The following DOCK4 variants were observed in gnomAD, a reference collection of about 807,000 sequenced individuals.
DOCK4 encodes the protein dedicator of cytokinesis protein 4.
DOCK4 carries 97 observed loss-of-function variants against 268.1 expected under a neutral mutation model. The observed-to-expected ratio is 0.36, with a 90% confidence interval of 0.31 to 0.43. The LOEUF is 0.43. Among genes scored for constraint, DOCK4 ranks in the 20% least tolerant of loss-of-function variants. DOCK4 has a pLI of 1.00. For synonymous variants in DOCK4, 954 were observed against 887.2 expected (o/e 1.08, Z -1.34); for missense variants, 2,145 against 2,455.7 (o/e 0.87, Z 2.67).
chr7:111,834,443 A>G (rs1320736469), intron 26 of DOCK4, 145 bp downstream of exon 26: 5 of 628,798 alleles, frequency 8.0e-6, no homozygotes, highest in Non-Finnish European at 1.3e-5. Context: ...AGATGAGCAG[A>G]TCTGTGGATG....
chr7:112,058,884 G>GA (rs11408215), intron 1 of DOCK4, among the ~76,000 whole-genome samples: 17,932 of 152,132 alleles, frequency 0.12, 3,590 homozygotes, highest in African/African-American at 0.41. Flanking sequence ...AGTGAAGGCA[G>GA]AAAGAAGAAG....
intron 3 of DOCK4, among the ~76,000 whole-genome samples, chr7:111,999,182 A>T (rs1375761090): frequency 6.6e-6 from 1 of 152,184 alleles, no homozygotes; most frequent in Non-Finnish European, 1.5e-5. Flanking sequence ...TTGATTGTTC[A>T]TTAAATGGCA....
At chr7:112,003,932 A>C (rs1431360209) in intron 2 of DOCK4, 116 bp downstream of exon 2, 3 of 687,832 alleles carry the variant, frequency 4.4e-6, no homozygotes, top group Non-Finnish European at 6.8e-6. Context: ...CAATTTTGTC[A>C]AAAATGACTT....
chr7:111,827,177 G>A (rs1802470358), intron 26 of DOCK4, among the ~76,000 whole-genome samples: 1 of 152,120 alleles, frequency 6.6e-6, no homozygotes, highest in Non-Finnish European at 1.5e-5. Flanking sequence ...ATTAAAGGGT[G>A]TTAATAATCA....
At chr7:111,832,218 C>T (rs1315812779) in intron 26 of DOCK4, among the ~76,000 whole-genome samples, 1 of 152,186 alleles carries the variant, frequency 6.6e-6, no homozygotes, top group East Asian at 1.9e-4. Context: ...ATATATCTAG[C>T]ACACTCCTAC....
At chr7:111,784,949 T>C (rs954158593) in intron 32 of DOCK4, among the ~76,000 whole-genome samples, 25 of 152,206 alleles carry the variant, frequency 1.6e-4, no homozygotes, top group Non-Finnish European at 4.4e-5. Flanking sequence ...GCATATCATA[T>C]ATGTACTTAG....
At chr7:111,740,828 G>A (rs1293557677) in intron 47 of DOCK4, among the ~76,000 whole-genome samples, 1 of 149,420 alleles carries the variant, frequency 6.7e-6, no homozygotes, top group East Asian at 2.0e-4. Context: ...AAGGAACTTG[G>A]GGCAGGTCTC....
chr7:112,206,028 C>G (rs1429367400), intron 1 of DOCK4, 74 bp downstream of exon 1: 1 of 1,493,112 alleles, frequency 6.7e-7, no homozygotes, highest in Non-Finnish European at 9.1e-7. Context: ...GCGAGAGGGG[C>G]GCGGGGGCAA....
intron 1 of DOCK4, among the ~76,000 whole-genome samples, chr7:112,198,757 C>T (rs1427586974): frequency 6.6e-6 from 1 of 152,182 alleles, no homozygotes; most frequent in African/African-American, 2.4e-5. Context: ...ACTGCCTCTT[C>T]TCTATAGGCT....
chr7:112,010,926 G>A (rs1053296873), intron 1 of DOCK4, among the ~76,000 whole-genome samples: 1 of 152,160 alleles, frequency 6.6e-6, no homozygotes, highest in Non-Finnish European at 1.5e-5. Context: ...TGAACCACAA[G>A]GCCAAGGCAA....
intron 16 of DOCK4, among the ~76,000 whole-genome samples, chr7:111,889,399 G>C (rs1808110577): frequency 6.6e-6 from 1 of 152,088 alleles, no homozygotes; most frequent in Non-Finnish European, 1.5e-5. Context: ...GGGAGCATAT[G>C]GGGTTCACTG....
At chr7:112,173,451 T>C (rs1818248006) in intron 1 of DOCK4, among the ~76,000 whole-genome samples, 1 of 152,168 alleles carries the variant, frequency 6.6e-6, no homozygotes, top group Non-Finnish European at 1.5e-5. Flanking sequence ...GCAGGCCTTC[T>C]TACCCTGGTT....
At chr7:112,065,601 C>G (rs764437641) in intron 1 of DOCK4, among the ~76,000 whole-genome samples, 16 of 149,142 alleles carry the variant, frequency 1.1e-4, no homozygotes, top group Admixed American at 2.7e-4. Flanking sequence ...CCTGAGGGCA[C>G]TTATTATTCT....
chr7:112,003,913 T>C, intron 2 of DOCK4, 135 bp downstream of exon 2: 1 of 550,604 alleles, frequency 1.8e-6, no homozygotes, highest in Non-Finnish European at 3.1e-6. Flanking sequence ...ACACTGAAAA[T>C]GCAGGAAACA....
At position 112,004,082 on chromosome 7, in the gene DOCK4, A is replaced by C. The variant is rs369410632; in HGVS notation, c.87T>G (p.Ile29Met). ...TCTCCAGGATCTGAACTGTATCTCC[A>C]ATTTCCAATGACAGGCCATATGGAA... Reference protein sequence around the residue: ...GTVPYGLSLEIGDTVQILEKC... With the variant: ...GTVPYGLSLEMGDTVQILEKC... The change falls in exon 2 of 53, where the codon ATT (isoleucine) becomes ATG (methionine). Residue 29 changes from isoleucine (I) to methionine (M), a missense_variant. Coordinates refer to ENST00000428084, the MANE Select transcript of DOCK4 (RefSeq NM_001363540.2). The C allele has an allele frequency of 5.0e-6, 8 of 1,604,098 alleles. No homozygotes were observed. The highest frequency in any genetic ancestry group is 6.0e-6 in the Non-Finnish European group (7 of 1,175,170).
At chr7:111,730,852 A>C (rs993283116) in intron 52 of DOCK4, among the ~76,000 whole-genome samples, 2 of 152,368 alleles carry the variant, frequency 1.3e-5, no homozygotes, top group South Asian at 2.1e-4. Context: ...GAGACAGTAT[A>C]TACCAGCTTG....
chr7:112,192,418 A>G lies in DOCK4; in HGVS notation c.37+13684T>C, dbSNP rs975404538. 5.3e-5 allele frequency among the ~76,000 whole-genome samples: 8 copies of G among 152,284 alleles called. No individual in the cohort carries two copies. In the South Asian group the frequency reaches 1.7e-3, roughly 32 times the overall value. On this transcript the variant is annotated intron_variant, in intron 1 of 52. Transcript: ENST00000428084. ...ACTCACTCCTATGGGAAGTATCTCA[A>G]TATGAAACTTCTATTCTTTTGTAGA...
At chr7:111,969,944 C>T (rs1204523976) in intron 8 of DOCK4, among the ~76,000 whole-genome samples, 9 of 152,174 alleles carry the variant, frequency 5.9e-5, no homozygotes, top group Admixed American at 5.9e-4. Context: ...TGTCCACATT[C>T]TTCTGTCTCT....
At chr7:111,956,452 G>C (rs1484539152) in intron 8 of DOCK4, among the ~76,000 whole-genome samples, 1 of 152,028 alleles carries the variant, frequency 6.6e-6, no homozygotes, top group African/African-American at 2.4e-5. Flanking sequence ...TCTGTGAAAG[G>C]AAAATAAAAA....
Sources: gnomAD v4.1 joint callset for allele counts (sites outside exome capture counted in the v4.1 genomes callset) on GRCh38, gnomAD v4.1.1 for gene constraint, MANE v1.5 for transcripts, NCBI Gene and HGNC (gene_info 2026-07-23, HGNC 2026-07-21) for gene names.